Variants in SND1 observed in about 807,000 individuals in gnomAD.
The protein encoded by SND1 is staphylococcal nuclease domain-containing protein 1.
SND1 carries 38 observed loss-of-function variants against 121.7 expected under a neutral mutation model. The ratio of observed to expected loss-of-function variants is 0.31; its 90% CI spans 0.24 to 0.41. The LOEUF (loss-of-function observed/expected upper bound fraction) is 0.41. SND1 is among the 10% of genes least tolerant of loss of function. SND1 has a pLI of 1.00. For missense variants in SND1, 868 were observed against 1,184.6 expected, an observed-to-expected ratio of 0.73 and a Z score of 3.92; for synonymous variants, 401 against 447.4, an observed-to-expected ratio of 0.90 and a Z score of 1.31.
chr7:127,830,574 T>C (rs530664225), intron 11 of SND1, among the ~76,000 whole-genome samples: 1 of 152,312 alleles, frequency 6.6e-6, no homozygotes, highest in South Asian at 2.1e-4. Flanking sequence ...TATTTGGACA[T>C]CTTTCCATAG....
intron 11 of SND1, among the ~76,000 whole-genome samples, chr7:127,843,949 ATTGTTGTT>A (rs1257058165): frequency 6.6e-6 from 1 of 152,166 alleles, no homozygotes; most frequent in Non-Finnish European, 1.5e-5. Flanking sequence ...GTGGTATCTC[ATTGTTGTT>A]TAAGTTGGCA....
At chr7:127,942,522 T>C (rs760926342) in intron 15 of SND1, among the ~76,000 whole-genome samples, 9 of 152,188 alleles carry the variant, frequency 5.9e-5, no homozygotes, top group Non-Finnish European at 1.0e-4. Context: ...GTGTCTGGTT[T>C]CTAGCAGCAG....
intron 12 of SND1, among the ~76,000 whole-genome samples, chr7:127,848,195 C>A (rs1476361136): frequency 6.6e-6 from 1 of 152,210 alleles, no homozygotes; most frequent in Non-Finnish European, 1.5e-5. Context: ...TTAAACAATG[C>A]TTAAACAATA....
intron 15 of SND1, among the ~76,000 whole-genome samples, chr7:127,952,604 A>T (rs544830167): frequency 4.7e-4 from 71 of 152,296 alleles, no homozygotes; most frequent in Non-Finnish European, 5.9e-4. Context: ...CACTGAGGAA[A>T]GCAGCTGTGT....
Position 128,074,566 on chromosome 7 carries a change from G to A in SND1, c.1844G>A (p.Gly615Asp), listed in dbSNP as rs1793473997. 1.2e-6 allele frequency: 2 copies of A among 1,613,540 alleles called. No homozygotes were observed. The highest frequency in any genetic ancestry group is 1.3e-5 in the African/African-American group (1 of 74,916). ...TTTATCGGCTGGCTGCACATCGACG[G>A]TGCCAACCTGTCCGTCCTGCTGGTG... ...GNFIGWLHID[G>D]ANLSVLLVEH... The change falls in exon 17 of 24, where the codon GGT (glycine) becomes GAT (aspartate). Residue 615 changes from glycine to aspartate, a missense_variant. Physicochemically the swap from Gly to Asp is moderately conservative, Grantham distance 94 (BLOSUM62 -1). Transcript: ENST00000354725.
At chr7:128,082,665 C>T (rs2117061780) in intron 18 of SND1, among the ~76,000 whole-genome samples, 1 of 152,292 alleles carries the variant, frequency 6.6e-6, no homozygotes, top group Non-Finnish European at 1.5e-5. Context: ...GGTGGCCAGC[C>T]TTTAGGGCTG....
At chr7:127,674,533 A>C (rs531676196) in intron 1 of SND1, among the ~76,000 whole-genome samples, 1 of 152,322 alleles carries the variant, frequency 6.6e-6, no homozygotes, top group African/African-American at 2.4e-5. Context: ...CTGCCAGCAA[A>C]TGCTGGTTTA....
chr7:127,869,781 C>T (rs1250471821), intron 12 of SND1, among the ~76,000 whole-genome samples: 2 of 152,162 alleles, frequency 1.3e-5, no homozygotes, highest in Admixed American at 1.3e-4. Flanking sequence ...ATTCAGTCAT[C>T]ACAAAGGTCT....
At chr7:127,800,065 T>G (rs933832594) in intron 10 of SND1, among the ~76,000 whole-genome samples, 2 of 152,222 alleles carry the variant, frequency 1.3e-5, no homozygotes, top group African/African-American at 4.8e-5. Context: ...GTGTTCTGTC[T>G]CCTGGATGCC....
chr7:128,069,550 G>A (rs942038589), intron 16 of SND1, among the ~76,000 whole-genome samples: 4 of 152,284 alleles, frequency 2.6e-5, no homozygotes, highest in African/African-American at 9.6e-5. Flanking sequence ...AAATTTCACA[G>A]TCTGGAACAA....
At chr7:128,004,007 C>CT (rs1802900896) in intron 16 of SND1, among the ~76,000 whole-genome samples, 1 of 151,622 alleles carries the variant, frequency 6.6e-6, no homozygotes, top group Non-Finnish European at 1.5e-5. Flanking sequence ...CATTTCCACT[C>CT]TAACACATCA....
At chr7:127,683,702 C>A (rs908366874) in intron 1 of SND1, among the ~76,000 whole-genome samples, 2 of 152,210 alleles carry the variant, frequency 1.3e-5, no homozygotes, top group Non-Finnish European at 2.9e-5. Flanking sequence ...TGCCAATCCT[C>A]TCCTCCTGGA....
intron 9 of SND1, among the ~76,000 whole-genome samples, chr7:127,719,417 T>C (rs989943766): frequency 5.9e-5 from 9 of 152,204 alleles, no homozygotes; most frequent in Admixed American, 3.3e-4. Context: ...GTTTTTGTGA[T>C]TGGGCTGGCA....
chr7:127,880,609 A>G (rs949078115), intron 12 of SND1, among the ~76,000 whole-genome samples: 1 of 152,120 alleles, frequency 6.6e-6, no homozygotes, highest in East Asian at 1.9e-4. Flanking sequence ...GACTGATAAA[A>G]TGTAGATAGT....
At chr7:128,024,000 A>T (rs1803418353) in intron 16 of SND1, among the ~76,000 whole-genome samples, 1 of 151,804 alleles carries the variant, frequency 6.6e-6, no homozygotes, top group Non-Finnish European at 1.5e-5. Flanking sequence ...AAGTGATGGG[A>T]ACTAGGATTC....
At chr7:127,736,824 T>G (rs553193583) in intron 10 of SND1, among the ~76,000 whole-genome samples, 1 of 152,310 alleles carries the variant, frequency 6.6e-6, no homozygotes, top group East Asian at 1.9e-4. Flanking sequence ...CATCTTCTCC[T>G]GGGGACCACT....
At chr7:127,957,221 C>A (rs1327313283) in intron 15 of SND1, among the ~76,000 whole-genome samples, 1 of 152,130 alleles carries the variant, frequency 6.6e-6, no homozygotes, top group South Asian at 2.1e-4. Flanking sequence ...ATGGGAATAA[C>A]AAAATGACAG....
chr7:127,858,268 G>A lies in SND1; in HGVS notation c.1343+13844G>A. 3.7e-6 allele frequency: 3 copies of A among 801,248 alleles called. No homozygotes were observed. In the South Asian group the frequency reaches 4.5e-5, roughly 12 times the overall value. 49.6% of individuals were successfully genotyped at this position (801,248 alleles called of 1,614,324 possible). Reference sequence around the variant, plus strand: ...CCACCATCTGGTCGGCCAATTCGGAGAGCCGGTCCGGGCACTGCGGGGAAC... The same window carrying A: ...CCACCATCTGGTCGGCCAATTCGGAAAGCCGGTCCGGGCACTGCGGGGAAC... On this transcript the variant is annotated intron_variant, in intron 12 of 23. Transcript: ENST00000354725.
intron 10 of SND1, among the ~76,000 whole-genome samples, chr7:127,783,666 T>G (rs998528140): frequency 1.3e-5 from 2 of 152,180 alleles, no homozygotes; most frequent in African/African-American, 4.8e-5. Context: ...GAGTTTAGCT[T>G]GAGGTTGTCT....
Sources: gnomAD v4.1 joint callset for allele counts (sites outside exome capture counted in the v4.1 genomes callset) on GRCh38, gnomAD v4.1.1 for gene constraint, MANE v1.5 for transcripts, NCBI Gene and HGNC (gene_info 2026-07-23, HGNC 2026-07-21) for gene names.